Variants in LRRC23 observed in about 807,000 individuals in gnomAD.
LRRC23 encodes the protein leucine rich repeat containing 23, also known as leucine-rich repeat-containing protein 23.
Under a neutral mutation model 37.7 loss-of-function variants are expected in LRRC23, and 28 were observed. The ratio of observed to expected loss-of-function variants is 0.74; its 90% confidence interval spans 0.55 to 1.02. The LOEUF (loss-of-function observed/expected upper bound fraction) is 1.02, where lower values mean the gene tolerates loss of function less well. LRRC23 is among the 50% of genes least tolerant of loss of function. LRRC23 has a pLI of 0.00. For synonymous variants in LRRC23, 161 were observed against 165.4 expected, an observed-to-expected ratio of 0.97 and a Z score of 0.20; for missense variants, 377 against 413.2, an observed-to-expected ratio of 0.91 and a Z score of 0.76.
Position 6,907,465 on chromosome 12 carries a change from G to T in LRRC23, c.621+20G>T, listed in dbSNP as rs1944975813. ...TACCTGGTAGCTCACTGGGTCAGAG[G>T]GTGGTGCAGGGAAGAGGGCACTGTC... On this transcript the variant is annotated intron_variant, in intron 5 of 7. Transcript: ENST00000443597. 1 of 1,613,976 alleles carries T rather than the reference G, an allele frequency of 6.2e-7. No homozygotes were observed. The highest frequency in any genetic ancestry group is 8.5e-7 in the Non-Finnish European group (1 of 1,179,950).
At chr12:6,912,562 G>A (rs147494473) in intron 6 of LRRC23, among the ~76,000 whole-genome samples, 168 bp from the exon 7 acceptor site, 12 of 152,240 alleles carry the variant, frequency 7.9e-5, no homozygotes, top group South Asian at 2.1e-4. Flanking sequence ...GGACCAGAGC[G>A]GGGTCACACA....
chr12:6,914,174 G>A lies in LRRC23; in HGVS notation c.*308G>A. 1 of 1,121,824 alleles carries A rather than the reference G, an allele frequency of 8.9e-7. No individual in the cohort carries two copies. The highest frequency in any genetic ancestry group is 1.2e-6 in the Non-Finnish European group (1 of 802,490). The allele number at this position is 1,121,824 out of a possible 1,614,324, so 69.5% of individuals were successfully genotyped here. A position where few individuals can be genotyped will look rare whatever the true frequency, so the allele number is the denominator to read the frequency against. On this transcript the variant is annotated 3_prime_UTR_variant, in exon 8 of 8. Transcript: ENST00000443597. This position sits in a 1 kb window ranked among gnomAD's most constrained non-coding sequence, Gnocchi z 7.1. Reference sequence around the variant, plus strand: ...CGGGGTGCTGGTAGGAGTGGTTGGAGAGACTTGCGAAGGCGGCTGGGGTGT... The same window carrying A: ...CGGGGTGCTGGTAGGAGTGGTTGGAAAGACTTGCGAAGGCGGCTGGGGTGT...
Position 6,910,033 on chromosome 12 carries a change from A to G in LRRC23, c.758+7A>G. Reference sequence around the variant, plus strand: ...TGCAGTACCTCAACCTGAGGTATGCACCCTCTCCAAGCCCCACCTTGCCCC... The same window carrying G: ...TGCAGTACCTCAACCTGAGGTATGCGCCCTCTCCAAGCCCCACCTTGCCCC... On this transcript the variant is annotated splice_region_variant and intron_variant, in intron 6 of 7. Coordinates refer to ENST00000443597, the MANE Select transcript of LRRC23 (RefSeq NM_001135217.2). The G allele has an allele frequency of 6.2e-7, 1 of 1,603,232 alleles. No homozygotes were observed. Among genetic ancestry groups the G allele is most frequent in the Non-Finnish European group, 8.5e-7 (1 of 1,174,886 alleles).
At position 6,912,730 on chromosome 12, in the gene LRRC23, G is replaced by T; in HGVS notation, c.759G>T (p.Arg253Ser). The T allele has an allele frequency of 6.2e-7, 1 of 1,613,480 alleles. No individual in the cohort carries two copies. The change falls in exon 7 of 8, where the codon AGG (arginine) becomes AGT (serine). Residue 253 changes from arginine (R) to serine (S), a missense_variant and splice_region_variant. Physicochemically the swap from Arg to Ser is moderately radical, Grantham distance 110. Coordinates refer to ENST00000443597, the MANE Select transcript of LRRC23 (RefSeq NM_001135217.2). ...GAACCCCTCCTGACCACACTGGCAG[G>T]GGCAACATGGTGGCCAACCTGGGGG... Reference protein sequence around the residue: ...EMKSLQYLNLRGNMVANLGEL... With the variant: ...EMKSLQYLNLSGNMVANLGEL...
At chr12:6,910,653 A>G (rs1241260827) in intron 6 of LRRC23, among the ~76,000 whole-genome samples, 1 of 152,160 alleles carries the variant, frequency 6.6e-6, no homozygotes, top group Non-Finnish European at 1.5e-5. Context: ...GTTTGCAGTG[A>G]GCTGAGATAA....
At chr12:6,910,828 G>A (rs1945139563) in intron 6 of LRRC23, among the ~76,000 whole-genome samples, 1 of 152,102 alleles carries the variant, frequency 6.6e-6, no homozygotes, top group African/African-American at 2.4e-5. Flanking sequence ...GAGGTTGGAG[G>A]ATCACTTGAG....
rs1555139380 is a variant in LRRC23, at chr12:6,905,739, G to A, written c.106G>A (p.Gly36Arg). 2 of 1,613,696 alleles carry A rather than the reference G, an allele frequency of 1.2e-6. No individual in the cohort carries two copies. The highest frequency in any genetic ancestry group is 1.3e-5 in the African/African-American group (1 of 74,912). Residue 36 changes from glycine (G) to arginine (R), a missense_variant, in exon 2 of 8, where the codon GGG becomes AGG. Gly to Arg is a moderately radical substitution (Grantham distance 125). Coordinates refer to ENST00000443597, the MANE Select transcript of LRRC23 (RefSeq NM_001135217.2). ...GGAGGGGGAGGACTACAGAAAAGAG[G>A]GGGAAGAGTTCCCTGAGGAAGTGAG... ...TEEGEDYRKE[G>R]EEFPEEWLPT...
In LRRC23 at chr12:6,905,778, AG is replaced by A; in HGVS notation, c.126+23del. 6.3e-7 allele frequency: 1 copy of A among 1,597,562 alleles called. No individual in the cohort carries two copies. The highest frequency in any genetic ancestry group is 8.5e-7 in the Non-Finnish European group (1 of 1,169,986). On this transcript the variant is annotated intron_variant, in intron 2 of 7. Coordinates refer to ENST00000443597, the MANE Select transcript of LRRC23 (RefSeq NM_001135217.2). ...TGAGGAAGTGAGAGCCTGGACAAGG[AG>A]GGGTCCTAGGGCTGAAGGAGGGGGT...
At chr12:6,911,600 T>C (rs1945162494) in intron 6 of LRRC23, among the ~76,000 whole-genome samples, 1 of 152,154 alleles carries the variant, frequency 6.6e-6, no homozygotes, top group Non-Finnish European at 1.5e-5. Flanking sequence ...CAGAGTCCAG[T>C]ACAAAGTTCC....
intron 4 of LRRC23, 89 bp downstream of exon 4, chr12:6,906,751 A>G (rs1007924): frequency 0.3 from 406,270 of 1,365,918 alleles, 64,648 homozygotes; most frequent in African/African-American, 0.6. Flanking sequence ...GCTAGGGCAC[A>G]TGGCAGTCTG....
rs782719729 is a variant in LRRC23 at position 6,907,391 on chromosome 12, C to T, written c.567C>T (p.Asn189=). The T allele has an allele frequency of 6.2e-7, 1 of 1,613,878 alleles. No individual in the cohort carries two copies. The highest frequency in any genetic ancestry group is 8.5e-7 in the Non-Finnish European group (1 of 1,179,974). The change falls in exon 5 of 8, where the codon AAC becomes AAT. Residue 189 remains asparagine (N), a synonymous_variant. Transcript: ENST00000443597. ...TGCACACAGTGGAGCTTCGGGGGAA[C>T]CAGCTGGAAAGCACCCTGGGAATCA... ...ISLHTVELRG[N]QLESTLGINL...
rs1944955385 is a variant in LRRC23, at chr12:6,906,581, C to A, written c.409C>A (p.Gln137Lys). Residue 137 changes from glutamine to lysine, a missense_variant, in exon 4 of 8, where the codon CAG (glutamine) becomes AAG (lysine). Coordinates refer to ENST00000443597, the MANE Select transcript of LRRC23 (RefSeq NM_001135217.2). Reference protein sequence around the residue: ...SAQMNELPYLQIASFAYNQIT... With the variant: ...SAQMNELPYLKIASFAYNQIT... Reference sequence around the variant, plus strand: ...CCAGATGAATGAACTGCCCTACCTGCAGATTGCTAGTTTTGCTTATAACCA... The same window carrying A: ...CCAGATGAATGAACTGCCCTACCTGAAGATTGCTAGTTTTGCTTATAACCA... 1 of 1,614,230 alleles carries A rather than the reference C, an allele frequency of 6.2e-7. No homozygotes were observed. Among genetic ancestry groups the A allele is most frequent in the East Asian group, 2.2e-5 (1 of 44,892 alleles).
chr12:6,905,453 G>T (rs1025783700), intron 1 of LRRC23, 132 bp from the exon 2 acceptor site: 14 of 581,866 alleles, frequency 2.4e-5, no homozygotes, highest in Admixed American at 5.8e-5. Flanking sequence ...ATCAAAATGA[G>T]ATGTTCACAG....
rs557159775 is a variant in LRRC23, at chr12:6,908,781, G to A, written c.622-1109G>A. On this transcript the variant is annotated intron_variant, in intron 5 of 7. Transcript: ENST00000443597. ...GGGGCTTGCAGTGAGCCGAGATTGC[G>A]CCACTGCACTCCAGCCTGGGCAACA... Among the ~76,000 whole-genome samples, 712 of 145,748 alleles carry A rather than the reference G, an allele frequency of 4.9e-3. 1 individual carries two copies. The highest frequency in any genetic ancestry group is 8.0e-3 in the Non-Finnish European group (534 of 67,158).
intron 4 of LRRC23, 79 bp downstream of exon 4, chr12:6,906,741 G>C: frequency 6.8e-7 from 1 of 1,475,458 alleles, no homozygotes; most frequent in Non-Finnish European, 9.3e-7. Context: ...ATGGTCCTTG[G>C]CTAGGGCACA....
At chr12:6,912,050 G>A (rs762107927) in intron 6 of LRRC23, among the ~76,000 whole-genome samples, 1 of 152,156 alleles carries the variant, frequency 6.6e-6, no homozygotes, top group Non-Finnish European at 1.5e-5. Context: ...AGGCACATTA[G>A]GAGATGAAGT....
intron 5 of LRRC23, among the ~76,000 whole-genome samples, chr12:6,908,823 C>CAA (rs34675493): frequency 0.066 from 7,829 of 118,968 alleles, 996 homozygotes; most frequent in African/African-American, 0.23. Context: ...GACTCTGTTT[C>CAA]AAAAAAAAAA....
chr12:6,913,551 G>GTTT (rs1248085636), intron 7 of LRRC23, among the ~76,000 whole-genome samples: 5,979 of 77,914 alleles, frequency 0.077, 1,417 homozygotes, highest in African/African-American at 0.12. Flanking sequence ...ATTTACCTCT[G>GTTT]TTTGTTTTTT....
In LRRC23 at chr12:6,907,376, G is replaced by C; in HGVS notation, c.552G>C (p.Val184=). 1.9e-6 allele frequency: 3 copies of C among 1,613,946 alleles called. No homozygotes were observed. The highest frequency in any genetic ancestry group is 2.5e-6 in the Non-Finnish European group (3 of 1,179,990). The change falls in exon 5 of 8, where the codon GTG becomes GTC. Residue 184 remains valine (V), a synonymous_variant. Coordinates refer to ENST00000443597, the MANE Select transcript of LRRC23 (RefSeq NM_001135217.2). ...AGAAGTTGATCAGCCTGCACACAGT[G>C]GAGCTTCGGGGGAACCAGCTGGAAA... ...DPEKLISLHT[V]ELRGNQLEST...
Sources: gnomAD v4.1 joint callset for allele counts (sites outside exome capture counted in the v4.1 genomes callset) on GRCh38, gnomAD v4.1.1 for gene constraint, Gnocchi (gnomAD v3.1) non-coding constraint, MANE v1.5 for transcripts, NCBI Gene and HGNC (gene_info 2026-07-23, HGNC 2026-07-21) for gene names.